Variants in CBFA2T3 observed in about 807,000 individuals in gnomAD.
CBFA2T3 encodes the protein transcriptional corepressor CBFA2T3.
Under a neutral mutation model 58.6 loss-of-function variants are expected in CBFA2T3, and 31 were observed. That is an observed-to-expected ratio of 0.53 (90% CI 0.40 to 0.71). The LOEUF (loss-of-function observed/expected upper bound fraction) is 0.71. CBFA2T3 is among the 30% of genes least tolerant of loss of function. The pLI, the probability that CBFA2T3 is intolerant of heterozygous loss-of-function variation, is 0.00. For synonymous variants in CBFA2T3, 531 were observed against 421.9 expected (o/e 1.26, Z -3.17); for missense variants, 1,076 against 963.1 (o/e 1.12, Z -1.55).
intron 1 of CBFA2T3, among the ~76,000 whole-genome samples, chr16:88,948,064 T>C (rs1161118528): frequency 6.6e-6 from 1 of 152,132 alleles, no homozygotes; most frequent in Non-Finnish European, 1.5e-5. Context: ...ATTCCCGTGG[T>C]GGGTGTTTAA....
intron 1 of CBFA2T3, among the ~76,000 whole-genome samples, chr16:88,919,020 T>C (rs189694876): frequency 1.3e-4 from 20 of 152,390 alleles, no homozygotes; most frequent in African/African-American, 3.6e-4. Flanking sequence ...ATGTACTTTA[T>C]GTTCTTAGCT....
At chr16:88,965,747 A>C (rs890032653) in intron 1 of CBFA2T3, among the ~76,000 whole-genome samples, 1 of 152,308 alleles carries the variant, frequency 6.6e-6, no homozygotes, top group South Asian at 2.1e-4. Context: ...TCTGCCAAAA[A>C]CGAAGCAGCA....
intron 5 of CBFA2T3, among the ~76,000 whole-genome samples, chr16:88,887,984 T>C (rs1249029946): frequency 2.0e-5 from 3 of 152,140 alleles, no homozygotes; most frequent in African/African-American, 4.8e-5. Flanking sequence ...GGCTCTGCCA[T>C]AGAGGGGCTG....
chr16:88,877,565 C>G lies in CBFA2T3; in HGVS notation c.1663-290G>C, dbSNP rs925529247. Among the ~76,000 whole-genome samples, 10 of 152,206 alleles carry G rather than the reference C, an allele frequency of 6.6e-5. No individual in the cohort carries two copies. The East Asian group carries it at 1.9e-3, about 29-fold the overall frequency. ...TCTCCAGGAAGCCCTCCTGAGCTCA[C>G]CAGGCTCCAAAACCGCAAAACCAAA... is the stretch of plus-strand genomic sequence containing the variant. On this transcript the variant is annotated intron_variant, in intron 11 of 11. Coordinates refer to ENST00000268679, the MANE Select transcript of CBFA2T3 (RefSeq NM_005187.6).
intron 3 of CBFA2T3, among the ~76,000 whole-genome samples, chr16:88,897,261 G>A (rs183419413): frequency 6.6e-6 from 1 of 152,228 alleles, no homozygotes; most frequent in African/African-American, 2.4e-5. Context: ...CAGAATAATG[G>A]CTGTGAAAAG....
chr16:88,902,115 T>G (rs937758798), intron 1 of CBFA2T3, among the ~76,000 whole-genome samples: 1 of 152,162 alleles, frequency 6.6e-6, no homozygotes, highest in African/African-American at 2.4e-5. Context: ...TGTTCCCAGG[T>G]GGCGCTGCTG....
rs999434788 is a variant in CBFA2T3 at position 88,953,798 on chromosome 16, T to C, written c.151+22859A>G. Among the ~76,000 whole-genome samples the C allele has an allele frequency of 1.3e-5, 2 of 152,148 alleles. No individual in the cohort carries two copies. The highest frequency in any genetic ancestry group is 4.8e-5 in the African/African-American group (2 of 41,404). On this transcript the variant is annotated intron_variant, in intron 1 of 11. Coordinates refer to ENST00000268679, the MANE Select transcript of CBFA2T3 (RefSeq NM_005187.6). The surrounding 1 kb of genome is among the most constrained non-coding windows in gnomAD (Gnocchi z 4.9). ...TGTGACTGCACCCCCTGAATCTTAA[T>C]CATATGTGTCTCTGGGTTTCCCTTA...
chr16:88,877,180 C>T lies in CBFA2T3; in HGVS notation c.1758G>A (p.Glu586=), dbSNP rs1331580657. Residue 586 remains glutamate (E), a synonymous_variant, in exon 12 of 12, where the codon GAG becomes GAA. Transcript: ENST00000268679. ...CGSFCQHRDW[E]KHHHVCGQSL... ...TCTGGCCACACACGTGGTGATGCTT[C>T]TCCCAGTCCCGATGCTGGCAGAAGG... The T allele has an allele frequency of 1.3e-6, 2 of 1,553,316 alleles. No homozygotes were observed. The highest frequency in any genetic ancestry group is 2.4e-5 in the East Asian group (1 of 41,194).
At position 88,881,307 on chromosome 16, in the gene CBFA2T3, G is replaced by A. The variant is rs767863623; in HGVS notation, c.1386C>T (p.Pro462=). Residue 462 remains proline, a synonymous_variant, in exon 9 of 12, where the codon CCC becomes CCT. Transcript: ENST00000268679. ...AARPRSSSAG[P]EGPQLDVPRE... ...CACACGCACCTAGCTGAGGCCCTTC[G>A]GGACCGGCGGAGCTGCTGCGGGGCC... is the stretch of plus-strand genomic sequence containing the variant. The A allele has an allele frequency of 1.4e-4, 224 of 1,589,774 alleles. No homozygotes were observed. Among genetic ancestry groups the A allele is most frequent in the Non-Finnish European group, 1.8e-4 (206 of 1,169,374 alleles).
chr16:88,875,802 CTT>C lies in CBFA2T3; in HGVS notation c.*1172_*1173del, dbSNP rs1968810533. The C allele has an allele frequency of 4.3e-6, 1 of 233,538 alleles. No homozygotes were observed. The highest frequency in any genetic ancestry group is 6.0e-5 in the East Asian group (1 of 16,568). The allele number at this position is 233,538 out of a possible 1,614,324, so 14.5% of individuals were successfully genotyped here. ...AATTATGCTCTCTCTGGGAAGAAAA[CTT>C]TAGCACTTTTTTTCCACAAGTGGAA... On this transcript the variant is annotated 3_prime_UTR_variant, in exon 12 of 12. Transcript: ENST00000268679.
chr16:88,912,693 A>G (rs1178801052), intron 1 of CBFA2T3, among the ~76,000 whole-genome samples: 1 of 152,164 alleles, frequency 6.6e-6, no homozygotes, highest in Non-Finnish European at 1.5e-5. Flanking sequence ...AGGGCCCCGT[A>G]AAGGTTTGCT....
intron 1 of CBFA2T3, among the ~76,000 whole-genome samples, chr16:88,944,745 G>A (rs1971859849): frequency 6.6e-6 from 1 of 152,244 alleles, no homozygotes; most frequent in South Asian, 2.1e-4. Flanking sequence ...TCACCTCCCC[G>A]CAGTCATGGC....
intron 3 of CBFA2T3, among the ~76,000 whole-genome samples, chr16:88,896,718 G>A (rs981635919): frequency 2.6e-5 from 4 of 152,184 alleles, no homozygotes; most frequent in African/African-American, 7.2e-5. Context: ...AGGGACTGTC[G>A]TCAGGACTGT....
chr16:88,877,373 C>G, intron 11 of CBFA2T3, 98 bp from the exon 12 acceptor site: 1 of 974,610 alleles, frequency 1.0e-6, no homozygotes. Context: ...CACGTCATCA[C>G]CAGGTGAGAA....
chr16:88,906,945 C>T (rs1970359261), intron 1 of CBFA2T3, among the ~76,000 whole-genome samples: 1 of 152,236 alleles, frequency 6.6e-6, no homozygotes, highest in African/African-American at 2.4e-5. Context: ...CGAAGGGACG[C>T]TGGCTCGTAC....
At chr16:88,969,636 A>AG (rs1196041615) in intron 1 of CBFA2T3, among the ~76,000 whole-genome samples, 1 of 152,070 alleles carries the variant, frequency 6.6e-6, no homozygotes, top group African/African-American at 2.4e-5. Flanking sequence ...GCCGAGGGAG[A>AG]GGGGGGCGGG....
At chr16:88,906,960 G>A (rs1970359947) in intron 1 of CBFA2T3, among the ~76,000 whole-genome samples, 1 of 152,236 alleles carries the variant, frequency 6.6e-6, no homozygotes, top group Non-Finnish European at 1.5e-5. Context: ...TCGTACTGGA[G>A]GCTGGGGTGG....
At chr16:88,926,900 C>T (rs938547593) in intron 1 of CBFA2T3, among the ~76,000 whole-genome samples, 1 of 152,212 alleles carries the variant, frequency 6.6e-6, no homozygotes, top group African/African-American at 2.4e-5. Flanking sequence ...CAGCCCCGTC[C>T]GGCCCCCGCT....
Position 88,951,038 on chromosome 16 carries a change from C to G in CBFA2T3, c.151+25619G>C, listed in dbSNP as rs1459633032. On this transcript the variant is annotated intron_variant, in intron 1 of 11. Coordinates refer to ENST00000268679, the MANE Select transcript of CBFA2T3 (RefSeq NM_005187.6). Reference sequence around the variant, plus strand: ...CTGGACCGGCACCGGCACAGAGGGTCAGAGTGTTGGCACCTGTCTTCCGGA... The same window carrying G: ...CTGGACCGGCACCGGCACAGAGGGTGAGAGTGTTGGCACCTGTCTTCCGGA... 7.4e-6 allele frequency: 3 copies of G among 403,096 alleles called. No homozygotes were observed. In the African/African-American group the frequency reaches 8.4e-5, roughly 11 times the overall value. 25.0% of individuals were successfully genotyped at this position (403,096 alleles called of 1,614,324 possible).
Sources: allele counts gnomAD v4.1 joint callset (sites outside exome capture counted in the v4.1 genomes callset), GRCh38; gene constraint gnomAD v4.1.1; non-coding constraint Gnocchi (gnomAD v3.1); transcripts MANE v1.5; gene names NCBI Gene and HGNC (gene_info 2026-07-23, HGNC 2026-07-21).